FGGY: variants seen among roughly 807,000 people sequenced by gnomAD.
The protein encoded by FGGY is FGGY carbohydrate kinase domain containing.
FGGY carries 72 observed loss-of-function variants against 71.3 expected under a neutral mutation model. That is an observed-to-expected ratio of 1.01 (90% CI 0.84 to 1.23). The LOEUF is 1.23. Ranked by LOEUF, FGGY falls within the 50% of genes most tolerant of loss-of-function variation. The pLI, the probability that FGGY is intolerant of heterozygous loss-of-function variation, is 0.00. For missense variants in FGGY, 668 were observed against 682.3 expected (o/e 0.98, Z 0.23); for synonymous variants, 251 against 250.3 (o/e 1.00, Z -0.02).
intron 12 of FGGY, among the ~76,000 whole-genome samples, chr1:59,662,168 A>G (rs1336302602): frequency 6.6e-6 from 1 of 151,266 alleles, no homozygotes; most frequent in East Asian, 2.0e-4. Context: ...AAAAATACAA[A>G]AATTAGCCAG....
chr1:59,304,886 C>T (rs114017790), intron 1 of FGGY, among the ~76,000 whole-genome samples: 61 of 151,992 alleles, frequency 4.0e-4, no homozygotes, highest in East Asian at 1.5e-3. Flanking sequence ...AATAGAAATG[C>T]GGCTGCTTTT....
At chr1:59,550,416 A>G (rs1469310890) in intron 7 of FGGY, among the ~76,000 whole-genome samples, 3 of 133,118 alleles carry the variant, frequency 2.3e-5, no homozygotes, top group Admixed American at 1.4e-4. Flanking sequence ...TCTCCGACTC[A>G]TGTGGTCTTG....
chr1:59,561,853 AGG>A (rs2153719604), intron 8 of FGGY, among the ~76,000 whole-genome samples: 1 of 152,318 alleles, frequency 6.6e-6, no homozygotes, highest in Admixed American at 6.5e-5. Flanking sequence ...CCTAGAGGAA[AGG>A]GAGAACAGAC....
chr1:59,607,773 T>G (rs753260311), intron 8 of FGGY, 30 bp from the exon 9 acceptor site: 2 of 1,566,408 alleles, frequency 1.3e-6, no homozygotes, highest in Admixed American at 1.7e-5. Context: ...AGAGTCAATG[T>G]TTTCACATAT....
chr1:59,497,653 A>G (rs1004116527), intron 6 of FGGY, among the ~76,000 whole-genome samples: 1 of 152,142 alleles, frequency 6.6e-6, no homozygotes, highest in African/African-American at 2.4e-5. Context: ...TTTCAGCAAG[A>G]ATTGCCCATT....
chr1:59,541,318 G>A (rs2095436791), intron 7 of FGGY, among the ~76,000 whole-genome samples: 1 of 152,152 alleles, frequency 6.6e-6, no homozygotes, highest in Admixed American at 6.5e-5. Flanking sequence ...CAGAATTTCG[G>A]CTATAGATTG....
intron 8 of FGGY, among the ~76,000 whole-genome samples, chr1:59,569,232 TAAGA>T (rs10617435): frequency 2.0e-4 from 30 of 152,168 alleles, no homozygotes; most frequent in African/African-American, 7.2e-4. Flanking sequence ...TATAGCTATA[TAAGA>T]AAGAGAAAGA....
chr1:59,702,145 GA>G (rs1162891781), intron 14 of FGGY, among the ~76,000 whole-genome samples: 2 of 152,100 alleles, frequency 1.3e-5, no homozygotes, highest in African/African-American at 4.8e-5. Context: ...TCACTACCAT[GA>G]GAACAGCATG....
intron 10 of FGGY, among the ~76,000 whole-genome samples, chr1:59,637,190 C>T (rs984272018): frequency 1.3e-5 from 2 of 152,106 alleles, no homozygotes; most frequent in South Asian, 2.1e-4. Flanking sequence ...CCCATTTTAC[C>T]GAGCTAGGAG....
chr1:59,567,163 A>C (rs1156867397), intron 8 of FGGY, among the ~76,000 whole-genome samples: 2 of 152,186 alleles, frequency 1.3e-5, no homozygotes, highest in Admixed American at 1.3e-4. Context: ...AGGGAGATAC[A>C]GCATATAAAC....
intron 5 of FGGY, among the ~76,000 whole-genome samples, chr1:59,411,223 T>C (rs1022327911): frequency 6.6e-6 from 1 of 152,262 alleles, no homozygotes; most frequent in East Asian, 1.9e-4. Flanking sequence ...TTTTGTAGAA[T>C]GTCCCTCACT....
At chr1:59,714,981 T>A (rs1165268944) in intron 14 of FGGY, among the ~76,000 whole-genome samples, 1 of 152,180 alleles carries the variant, frequency 6.6e-6, no homozygotes, top group Non-Finnish European at 1.5e-5. Flanking sequence ...TGGAGCAAGC[T>A]TGAGAGTTTG....
chr1:59,471,061 A>T (rs955211679), intron 6 of FGGY, among the ~76,000 whole-genome samples: 5 of 152,160 alleles, frequency 3.3e-5, no homozygotes, highest in Admixed American at 6.5e-5. Context: ...AGGGAGGCTT[A>T]TATGGTTTGC....
intron 8 of FGGY, among the ~76,000 whole-genome samples, chr1:59,565,581 G>A (rs539886950): frequency 3.3e-5 from 5 of 152,334 alleles, no homozygotes; most frequent in Non-Finnish European, 7.3e-5. Context: ...ACCGCGCCTG[G>A]CCGTAAGTCT....
At chr1:59,364,616 T>G (rs2056247495) in intron 4 of FGGY, among the ~76,000 whole-genome samples, 1 of 152,200 alleles carries the variant, frequency 6.6e-6, no homozygotes. Flanking sequence ...ACATAGCTCT[T>G]GCCTTTGAGG....
chr1:59,372,167 A>C (rs2057774986), intron 4 of FGGY, among the ~76,000 whole-genome samples: 1 of 151,724 alleles, frequency 6.6e-6, no homozygotes, highest in African/African-American at 2.4e-5. Context: ...GACCGTTAGC[A>C]AGACTAATAA....
intron 8 of FGGY, among the ~76,000 whole-genome samples, chr1:59,595,765 A>G (rs1316653746): frequency 1.3e-5 from 2 of 152,176 alleles, no homozygotes; most frequent in Non-Finnish European, 2.9e-5. Flanking sequence ...ACTGTACCCT[A>G]TATCATGTCA....
intron 10 of FGGY, among the ~76,000 whole-genome samples, chr1:59,627,477 T>TAC (rs2096868667): frequency 7.6e-6 from 1 of 132,394 alleles, no homozygotes; most frequent in African/African-American, 3.2e-5. Context: ...TATATATATA[T>TAC]ATATATATAT....
At chr1:59,328,108 A>C (rs2047757632) in intron 2 of FGGY, among the ~76,000 whole-genome samples, 1 of 152,200 alleles carries the variant, frequency 6.6e-6, no homozygotes, top group South Asian at 2.1e-4. Context: ...CTAACAAGAG[A>C]GCCAGCTTGT....
Sources: gnomAD v4.1 joint callset for allele counts (sites outside exome capture counted in the v4.1 genomes callset) on GRCh38, gnomAD v4.1.1 for gene constraint, MANE v1.5 for transcripts, NCBI Gene and HGNC (gene_info 2026-07-23, HGNC 2026-07-21) for gene names.